The following ZNF292 variants were observed in gnomAD, a reference collection of about 807,000 sequenced individuals.
The protein encoded by ZNF292 is 16 zinc-finger domain protein.
In ZNF292, 26 loss-of-function variants were observed where a neutral mutation model predicts 217.9. The ratio of observed to expected loss-of-function variants is 0.12; its 90% CI spans 0.09 to 0.17. ZNF292 has a LOEUF of 0.17. Ranked by LOEUF, ZNF292 falls within the 10% of genes least tolerant of loss-of-function variation. The probability of loss-of-function intolerance (pLI) is 1.00; values close to 1 mark genes in which losing one functional copy is unlikely to be tolerated. For missense variants in ZNF292, 2,904 were observed against 3,175.2 expected, an observed-to-expected ratio of 0.91 and a Z score of 2.05; for synonymous variants, 1,257 against 1,124.1, an observed-to-expected ratio of 1.12 and a Z score of -2.37.
At chr6:87,178,678 C>T (rs150346699) in intron 1 of ZNF292, among the ~76,000 whole-genome samples, 37 of 152,234 alleles carry the variant, frequency 2.4e-4, no homozygotes, top group African/African-American at 7.9e-4. Context: ...TTTATGAGAC[C>T]ACTAAGGTAC....
rs1775757822 is a variant in ZNF292 at position 87,264,753 on chromosome 6, G to A, written c.*2952G>A. On this transcript the variant is annotated 3_prime_UTR_variant, in exon 8 of 8. Transcript: ENST00000369577. The stretch of plus-strand genomic sequence containing the variant: ...GGGATCAGGAGTGTTCTTGTATGCT[G>A]TATTAAGTCTTTATTTTGGTTTTTG... Among the ~76,000 whole-genome samples, 1 of 152,130 alleles carries A rather than the reference G, an allele frequency of 6.6e-6. No homozygotes were observed.
chr6:87,206,499 A>G (rs1446384026), intron 1 of ZNF292, among the ~76,000 whole-genome samples: 1 of 151,954 alleles, frequency 6.6e-6, no homozygotes, highest in African/African-American at 2.4e-5. Flanking sequence ...GTATTATGAC[A>G]TTGCCCCCCT....
intron 1 of ZNF292, among the ~76,000 whole-genome samples, chr6:87,172,462 C>T (rs1054389833): frequency 1.3e-5 from 2 of 152,138 alleles, no homozygotes; most frequent in African/African-American, 4.8e-5. Context: ...GCCCAGGAGT[C>T]AGTGAGTGGC....
At chr6:87,252,167 T>TTGAGA (rs1774954252) in intron 7 of ZNF292, among the ~76,000 whole-genome samples, 1 of 152,168 alleles carries the variant, frequency 6.6e-6, no homozygotes, top group Non-Finnish European at 1.5e-5. Flanking sequence ...TGTGTTTTTT[T>TTGAGA]TGAGACGTTG....
At chr6:87,190,206 T>C (rs914200137) in intron 1 of ZNF292, among the ~76,000 whole-genome samples, 5 of 152,254 alleles carry the variant, frequency 3.3e-5, no homozygotes, top group Non-Finnish European at 7.3e-5. Context: ...CTTCCATTTT[T>C]ATATCCTTGC....
intron 1 of ZNF292, among the ~76,000 whole-genome samples, chr6:87,175,147 A>G (rs1338532300): frequency 1.3e-5 from 2 of 152,046 alleles, no homozygotes; most frequent in African/African-American, 4.8e-5. Context: ...TTCACTGGTC[A>G]TCTCTCTTCA....
At chr6:87,215,455 A>C (rs1772704358) in intron 1 of ZNF292, among the ~76,000 whole-genome samples, 1 of 152,148 alleles carries the variant, frequency 6.6e-6, no homozygotes, top group Non-Finnish European at 1.5e-5. Flanking sequence ...ATGGACTGAA[A>C]AAGGACACGT....
intron 1 of ZNF292, among the ~76,000 whole-genome samples, chr6:87,195,250 T>G (rs1238792213): frequency 6.6e-6 from 1 of 152,200 alleles, no homozygotes; most frequent in Non-Finnish European, 1.5e-5. Context: ...CCTTTTCGCA[T>G]TTTAGATTAT....
At chr6:87,163,820 A>G (rs1453076977) in intron 1 of ZNF292, among the ~76,000 whole-genome samples, 1 of 152,216 alleles carries the variant, frequency 6.6e-6, no homozygotes, top group Non-Finnish European at 1.5e-5. Context: ...AAATGGACCA[A>G]CTATTCAAAC....
rs568622805 is a variant in ZNF292, at chr6:87,173,228, T to C, written c.168+17469T>C. On this transcript the variant is annotated intron_variant, in intron 1 of 7. Transcript: ENST00000369577. Reference sequence around the variant, plus strand: ...TGGCACAAAAAAAAATCCAACTCCTTATCAAGTGTTCCCTGTTTTGTAAAC... The same window carrying C: ...TGGCACAAAAAAAAATCCAACTCCTCATCAAGTGTTCCCTGTTTTGTAAAC... The C allele has an allele frequency of 4.1e-4, 63 of 152,220 alleles. 1 individual carries two copies. Among genetic ancestry groups the C allele is most frequent in the African/African-American group, 1.4e-3 (58 of 41,568 alleles). The allele number at this position is 152,220 out of a possible 1,614,324, so 9.4% of individuals were successfully genotyped here. A position where few individuals can be genotyped will look rare whatever the true frequency, so the allele number is the denominator to read the frequency against.
intron 5 of ZNF292, among the ~76,000 whole-genome samples, chr6:87,236,138 C>T (rs1272073118): frequency 6.6e-6 from 1 of 152,182 alleles, no homozygotes; most frequent in Non-Finnish European, 1.5e-5. Context: ...TCTCACTTGC[C>T]CACCCTACTC....
rs1422736518 is a variant in ZNF292, at chr6:87,256,037, A to G, written c.2408A>G (p.His803Arg). 6.2e-7 allele frequency: 1 copy of G among 1,608,794 alleles called. No homozygotes were observed. The highest frequency in any genetic ancestry group is 8.5e-7 in the Non-Finnish European group (1 of 1,177,052). The change falls in exon 8 of 8, where the codon CAT becomes CGT. Residue 803 changes from histidine (H) to arginine (R), a missense_variant. This residue lies in a region of ZNF292 where 216 missense variants were observed against 308.3 expected (regional missense o/e 0.70). Transcript: ENST00000369577. ...AYLLYDHEAQHYNTYTCKFTG... is the reference protein window; with the variant it reads ...AYLLYDHEAQRYNTYTCKFTG... The stretch of plus-strand genomic sequence containing the variant: ...TTACTATATGATCATGAAGCACAAC[A>G]TTATAATACGTACACTTGTAAGTTC...
intron 1 of ZNF292, among the ~76,000 whole-genome samples, chr6:87,191,042 G>T (rs1232849493): frequency 6.6e-6 from 1 of 151,680 alleles, no homozygotes; most frequent in Non-Finnish European, 1.5e-5. Context: ...TTAAATAGTG[G>T]GATCATATAA....
At chr6:87,217,472 T>G (rs1046458904) in intron 3 of ZNF292, among the ~76,000 whole-genome samples, 1 of 151,894 alleles carries the variant, frequency 6.6e-6, no homozygotes, top group Non-Finnish European at 1.5e-5. Flanking sequence ...GTATCTTAGG[T>G]TTTTTTTCCA....
intron 3 of ZNF292, among the ~76,000 whole-genome samples, chr6:87,217,427 G>C (rs886675543): frequency 1.3e-5 from 2 of 151,998 alleles, no homozygotes; most frequent in African/African-American, 4.8e-5. Flanking sequence ...CTAACTTTTT[G>C]ATCATGCATA....
chr6:87,231,694 A>G lies in ZNF292; in HGVS notation c.539-1631A>G, dbSNP rs191334684. Among the ~76,000 whole-genome samples, 130 of 152,340 alleles carry G rather than the reference A, an allele frequency of 8.5e-4. 1 individual carries two copies. The East Asian group carries it at 0.024, about 28-fold the overall frequency. On this transcript the variant is annotated intron_variant, in intron 4 of 7. Coordinates refer to ENST00000369577, the MANE Select transcript of ZNF292 (RefSeq NM_015021.3). ...CTTAAATGCTGCTATTTGAGAATGCAGGGCCTATTTGAGATTGGGACCATC... is the reference window on the plus strand; with the variant it reads ...CTTAAATGCTGCTATTTGAGAATGCGGGGCCTATTTGAGATTGGGACCATC...
At chr6:87,163,307 C>T (rs1010861962) in intron 1 of ZNF292, among the ~76,000 whole-genome samples, 1 of 151,876 alleles carries the variant, frequency 6.6e-6, no homozygotes, top group Admixed American at 6.6e-5. Context: ...AAAAATTAGC[C>T]GGGTGTGGTG....
rs988476574 is a variant in ZNF292 at position 87,183,202 on chromosome 6, G to C, written c.168+27443G>C. 6.7e-4 allele frequency among the ~76,000 whole-genome samples: 102 copies of C among 152,262 alleles called. 1 individual carries two copies. The highest frequency in any genetic ancestry group is 1.1e-3 in the Non-Finnish European group (75 of 68,002). On this transcript the variant is annotated intron_variant, in intron 1 of 7. Transcript: ENST00000369577. ...GTCTTTGACACCTTAGAGTCAGTAA[G>C]GGTGTTAAGTACTAGAGGAAGTTTA...
chr6:87,233,782 G>C (rs960274584), intron 5 of ZNF292: 8 of 459,500 alleles, frequency 1.7e-5, no homozygotes, highest in African/African-American at 1.7e-4. Flanking sequence ...GAAAGATAGT[G>C]GTGGCTTAAC....
Sources: gnomAD v4.1 joint callset for allele counts (sites outside exome capture counted in the v4.1 genomes callset) on GRCh38, gnomAD v4.1.1 for gene constraint, gnomAD v4.1.1 regional missense constraint, MANE v1.5 for transcripts, NCBI Gene and HGNC (gene_info 2026-07-23, HGNC 2026-07-21) for gene names.